PRR16: variants seen among roughly 807,000 people sequenced by gnomAD.
PRR16 encodes protein Largen.
Under a neutral mutation model 18.2 loss-of-function variants are expected in PRR16, and 6 were observed. That is an observed-to-expected ratio of 0.33 (90% CI 0.18 to 0.65). The LOEUF (loss-of-function observed/expected upper bound fraction) is 0.65. Ranked by LOEUF, PRR16 falls within the 30% of genes least tolerant of loss-of-function variation. The probability of loss-of-function intolerance (pLI) is 0.74; values close to 1 mark genes in which losing one functional copy is unlikely to be tolerated. For synonymous variants in PRR16, 151 were observed against 147.8 expected (o/e 1.02, Z -0.16); for missense variants, 412 against 376.6 (o/e 1.09, Z -0.78).
At chr5:120,489,185 G>C (rs547487748) in intron 1 of PRR16, among the ~76,000 whole-genome samples, 3 of 152,302 alleles carry the variant, frequency 2.0e-5, no homozygotes, top group African/African-American at 4.8e-5. Flanking sequence ...GTGCAGAGCT[G>C]AGTTTATTTC....
intron 1 of PRR16, among the ~76,000 whole-genome samples, chr5:120,492,265 T>A (rs1561514607): frequency 3.1e-5 from 4 of 130,076 alleles, no homozygotes; most frequent in Non-Finnish European, 5.0e-5. Context: ...AGTGTGTGTG[T>A]GTGTGTGTGT....
In PRR16 at chr5:120,686,799, C is replaced by A; in HGVS notation, c.*90C>A. 1 of 1,108,500 alleles carries A rather than the reference C, an allele frequency of 9.0e-7. No individual in the cohort carries two copies. Among genetic ancestry groups the A allele is most frequent in the Non-Finnish European group, 1.2e-6 (1 of 835,396 alleles). The allele number at this position is 1,108,500 out of a possible 1,614,324, so 68.7% of individuals were successfully genotyped here. On this transcript the variant is annotated 3_prime_UTR_variant, in exon 2 of 2. Coordinates refer to ENST00000407149, the MANE Select transcript of PRR16 (RefSeq NM_001300783.2). ...CACTTTCTACTCAAGCAATAAAAAG[C>A]CCAAATATATTAATCCTGCATTCAG...
chr5:120,476,392 A>G (rs1023641050), intron 1 of PRR16, among the ~76,000 whole-genome samples: 2 of 152,050 alleles, frequency 1.3e-5, no homozygotes, highest in African/African-American at 4.8e-5. Flanking sequence ...GTTTATAATC[A>G]TTACCCCACT....
intron 1 of PRR16, among the ~76,000 whole-genome samples, chr5:120,572,176 A>G (rs994689764): frequency 1.3e-5 from 2 of 152,084 alleles, no homozygotes; most frequent in African/African-American, 4.8e-5. Context: ...AGTCTCTCAT[A>G]TTGTATTGGT....
intron 1 of PRR16, among the ~76,000 whole-genome samples, chr5:120,626,606 A>G (rs1002362569): frequency 4.6e-5 from 7 of 152,182 alleles, no homozygotes; most frequent in Non-Finnish European, 5.9e-5. Flanking sequence ...GAATTTTATC[A>G]TATGCAAATT....
intron 1 of PRR16, among the ~76,000 whole-genome samples, chr5:120,565,355 T>G (rs1277561819): frequency 6.6e-6 from 1 of 152,202 alleles, no homozygotes; most frequent in Non-Finnish European, 1.5e-5. Flanking sequence ...AACCTAGATA[T>G]AGAAAGTGGT....
At chr5:120,579,929 C>T (rs574898507) in intron 1 of PRR16, among the ~76,000 whole-genome samples, 9 of 152,160 alleles carry the variant, frequency 5.9e-5, no homozygotes, top group East Asian at 1.9e-4. Flanking sequence ...TTGTAGTTCT[C>T]CTTGAAGAAG....
the PRR16 span, among the ~76,000 whole-genome samples, chr5:120,744,060 T>C: frequency 3.3e-5 from 5 of 152,062 alleles, no homozygotes; most frequent in Admixed American, 3.3e-4. Context: ...ATGGACTCAC[T>C]GTACAATGTA....
At chr5:120,591,903 A>G (rs1446754580) in intron 1 of PRR16, among the ~76,000 whole-genome samples, 2 of 152,174 alleles carry the variant, frequency 1.3e-5, no homozygotes, top group Non-Finnish European at 2.9e-5. Context: ...AAATTTTACA[A>G]TGGCATCTTC....
chr5:120,729,008 G>T, the PRR16 span, among the ~76,000 whole-genome samples: 1 of 152,080 alleles, frequency 6.6e-6, no homozygotes, highest in African/African-American at 2.4e-5. Context: ...AACAGATGCT[G>T]CAGGAGACTG....
intron 1 of PRR16, among the ~76,000 whole-genome samples, chr5:120,487,111 G>T (rs1749833244): frequency 1.3e-5 from 2 of 152,194 alleles, no homozygotes; most frequent in African/African-American, 4.8e-5. Flanking sequence ...TTTGGCTTAG[G>T]ATTGACTTGG....
chr5:120,605,120 G>T (rs1311592251), intron 1 of PRR16, among the ~76,000 whole-genome samples: 1 of 152,052 alleles, frequency 6.6e-6, no homozygotes, highest in Non-Finnish European at 1.5e-5. Context: ...GTGGTTTTGT[G>T]GACAGTATTC....
chr5:120,778,502 T>C, the PRR16 span, among the ~76,000 whole-genome samples: 1 of 152,162 alleles, frequency 6.6e-6, no homozygotes, highest in Admixed American at 6.5e-5. Context: ...GAGTACAATG[T>C]TTTAAAAAAG....
chr5:120,673,707 G>A (rs1265105347), intron 1 of PRR16, among the ~76,000 whole-genome samples: 1 of 152,096 alleles, frequency 6.6e-6, no homozygotes, highest in Non-Finnish European at 1.5e-5. Context: ...GGGAGAATGA[G>A]GTGGGTGGAT....
At chr5:120,533,932 A>G (rs1751632427) in intron 1 of PRR16, among the ~76,000 whole-genome samples, 2 of 152,188 alleles carry the variant, frequency 1.3e-5, no homozygotes, top group South Asian at 4.1e-4. Context: ...TGAAAGTATA[A>G]CAAGGCTTCC....
chr5:120,532,510 A>G (rs1007638445), intron 1 of PRR16, among the ~76,000 whole-genome samples: 2 of 152,086 alleles, frequency 1.3e-5, no homozygotes, highest in African/African-American at 2.4e-5. Context: ...TATTTGTTGA[A>G]TCTTATATGA....
chr5:120,582,589 C>A (rs957830072), intron 1 of PRR16, among the ~76,000 whole-genome samples: 1 of 151,888 alleles, frequency 6.6e-6, no homozygotes, highest in Admixed American at 6.6e-5. Flanking sequence ...AATATAGTTA[C>A]AAATAGATAA....
intron 1 of PRR16, among the ~76,000 whole-genome samples, chr5:120,484,701 G>A (rs1431342580): frequency 6.8e-6 from 1 of 147,414 alleles, no homozygotes; most frequent in Admixed American, 6.9e-5. Flanking sequence ...CAGAAACATG[G>A]GATTTTCAGA....
intron 1 of PRR16, among the ~76,000 whole-genome samples, chr5:120,592,090 G>C (rs1753656609): frequency 6.6e-6 from 1 of 151,238 alleles, no homozygotes; most frequent in Non-Finnish European, 1.5e-5. Context: ...TGTCTGAAAA[G>C]ACAAAGTAGC....
Sources: gnomAD v4.1 joint callset for allele counts (sites outside exome capture counted in the v4.1 genomes callset) on GRCh38, gnomAD v4.1.1 for gene constraint, MANE v1.5 for transcripts, NCBI Gene and HGNC (gene_info 2026-07-23, HGNC 2026-07-21) for gene names.